Variants in CDH8 observed in about 807,000 individuals in gnomAD.
CDH8 encodes cadherin 8, also known as cadherin-8.
In CDH8, 17 loss-of-function variants were observed where a neutral mutation model predicts 68.1. The observed-to-expected ratio is 0.25, with a 90% CI of 0.17 to 0.37. The LOEUF is 0.37. Among genes scored for constraint, CDH8 ranks in the 10% least tolerant of loss-of-function variants. CDH8 has a pLI of 1.00. For missense variants in CDH8, 763 were observed against 999.3 expected (o/e 0.76, Z 3.19); for synonymous variants, 372 against 365.1 (o/e 1.02, Z -0.21).
At chr16:61,710,529 G>T (rs2142864279) in intron 10 of CDH8, among the ~76,000 whole-genome samples, 1 of 152,060 alleles carries the variant, frequency 6.6e-6, no homozygotes, top group Non-Finnish European at 1.5e-5. Flanking sequence ...AAAACAAATT[G>T]GTATCATCAG....
At chr16:61,710,409 C>G (rs1964610039) in intron 10 of CDH8, among the ~76,000 whole-genome samples, 1 of 151,918 alleles carries the variant, frequency 6.6e-6, no homozygotes, top group African/African-American at 2.4e-5. Context: ...CATGTTTATT[C>G]CAAAGTAATG....
At chr16:61,987,645 T>TGA (rs1965650682) in intron 2 of CDH8, among the ~76,000 whole-genome samples, 1 of 152,144 alleles carries the variant, frequency 6.6e-6, no homozygotes, top group South Asian at 2.1e-4. Context: ...AATACAGGTC[T>TGA]GACTGATTTC....
intron 4 of CDH8, among the ~76,000 whole-genome samples, chr16:61,849,231 T>C (rs1358354169): frequency 6.6e-6 from 1 of 151,988 alleles, no homozygotes; most frequent in East Asian, 1.9e-4. Context: ...AATGTGTGTA[T>C]GTGTGTGTGG....
At chr16:61,684,328 C>T (rs1022631928) in intron 10 of CDH8, among the ~76,000 whole-genome samples, 1 of 151,800 alleles carries the variant, frequency 6.6e-6, no homozygotes, top group Admixed American at 6.6e-5. Flanking sequence ...GTTGCTAAAT[C>T]CTGTGTTATT....
At chr16:61,821,178 A>T (rs760345520) in intron 5 of CDH8, 65 bp from the exon 6 acceptor site, 21 of 1,342,732 alleles carry the variant, frequency 1.6e-5, no homozygotes, top group Non-Finnish European at 2.2e-5. Flanking sequence ...TCATATGGCA[A>T]ATATCTTTTG....
chr16:61,653,240 C>T lies in CDH8; in HGVS notation c.*368G>A. The T allele has an allele frequency of 8.4e-7, 1 of 1,184,234 alleles. No homozygotes were observed. The highest frequency in any genetic ancestry group is 1.0e-6 in the Non-Finnish European group (1 of 960,122). 73.4% of individuals were successfully genotyped at this position (1,184,234 alleles called of 1,614,324 possible). A position where few individuals can be genotyped will look rare whatever the true frequency, so the allele number is the denominator to read the frequency against. On this transcript the variant is annotated 3_prime_UTR_variant, in exon 12 of 12. Coordinates refer to ENST00000577390, the MANE Select transcript of CDH8 (RefSeq NM_001796.5). ...ACACATATCAGCAGCAGATTCCTTG[C>T]AGGTCCGTATTTTTTTTTCTAAGAA...
intron 7 of CDH8, among the ~76,000 whole-genome samples, chr16:61,798,324 C>G (rs58971004): frequency 0.031 from 4,729 of 152,124 alleles, 237 homozygotes; most frequent in African/African-American, 0.11. Context: ...TGTATGTGTG[C>G]ATAATATTAA....
At chr16:61,964,992 T>C (rs1965222479) in intron 2 of CDH8, among the ~76,000 whole-genome samples, 2 of 152,294 alleles carry the variant, frequency 1.3e-5, no homozygotes, top group South Asian at 4.1e-4. Flanking sequence ...CTTATACATC[T>C]AGTTCTTTCC....
intron 1 of CDH8, among the ~76,000 whole-genome samples, chr16:62,035,873 AC>A (rs1902445122): frequency 6.6e-6 from 1 of 152,074 alleles, no homozygotes; most frequent in Non-Finnish European, 1.5e-5. Flanking sequence ...GTCAGGCAAA[AC>A]CTTGAGGCGT....
chr16:61,845,351 T>TA (rs1309502444), intron 4 of CDH8, among the ~76,000 whole-genome samples: 1 of 152,046 alleles, frequency 6.6e-6, no homozygotes, highest in Non-Finnish European at 1.5e-5. Context: ...CCTCAGGAGT[T>TA]AGAGTGCAAA....
At chr16:61,796,925 T>C (rs1961514310) in intron 7 of CDH8, among the ~76,000 whole-genome samples, 1 of 152,036 alleles carries the variant, frequency 6.6e-6, no homozygotes, top group African/African-American at 2.4e-5. Context: ...TAGGTCAAAA[T>C]GGCCAACTGA....
At chr16:61,914,272 A>C (rs1228395942) in intron 2 of CDH8, among the ~76,000 whole-genome samples, 1 of 152,208 alleles carries the variant, frequency 6.6e-6, no homozygotes, top group East Asian at 1.9e-4. Context: ...TTGGTAATGC[A>C]GCCCAAGCAA....
At position 61,809,216 on chromosome 16, in the gene CDH8, A is replaced by C. The variant is rs979414926; in HGVS notation, c.1277+8263T>G. ...AAAAAAAAGACTTTACTAAAAAAAAACAAAAAAAGTAACAGGCCGTATTTG... is the reference window on the plus strand; with the variant it reads ...AAAAAAAAGACTTTACTAAAAAAAACCAAAAAAAGTAACAGGCCGTATTTG... On this transcript the variant is annotated intron_variant, in intron 7 of 11. Coordinates refer to ENST00000577390, the MANE Select transcript of CDH8 (RefSeq NM_001796.5). Among the ~76,000 whole-genome samples, 20 of 152,236 alleles carry C rather than the reference A, an allele frequency of 1.3e-4. No homozygotes were observed. In the East Asian group the frequency reaches 1.4e-3, roughly 10 times the overall value.
rs1429754072 is a variant in CDH8, at chr16:61,650,704, T to TGAGAGAGAGA, written c.*2903_*2904insTCTCTCTCTC. ...GTGTGTGTGTGTGTGTGTGTGTGTG[T>TGAGAGAGAGA]GTGAGAGAGAGAGAGAGAGAGAGAG... On this transcript the variant is annotated 3_prime_UTR_variant, in exon 12 of 12. Transcript: ENST00000577390. The TGAGAGAGAGA allele has an allele frequency of 4.3e-4, 43 of 99,822 alleles. No individual in the cohort carries two copies. The highest frequency in any genetic ancestry group is 1.0e-3 in the African/African-American group (26 of 25,060). 6.2% of individuals were successfully genotyped at this position (99,822 alleles called of 1,614,324 possible).
intron 7 of CDH8, among the ~76,000 whole-genome samples, chr16:61,807,726 C>G: frequency 6.6e-6 from 1 of 152,102 alleles, no homozygotes; most frequent in East Asian, 1.9e-4. Context: ...GAAGACTAAG[C>G]AAACAGAGAT....
chr16:61,960,268 C>CAT lies in CDH8; in HGVS notation c.253-58796_253-58795insAT, dbSNP rs772609052. ...GTGTGTGTATACACATACATATATA[C>CAT]GTGTGTGTGTATACACACATATATA... On this transcript the variant is annotated intron_variant, in intron 2 of 11. Transcript: ENST00000577390. 4.4e-4 allele frequency among the ~76,000 whole-genome samples: 34 copies of CAT among 76,826 alleles called. 4 individuals carry two copies. Among genetic ancestry groups the CAT allele is most frequent in the African/African-American group, 1.0e-3 (11 of 10,662 alleles). 50.4% of individuals were successfully genotyped at this position (76,826 alleles called of 152,430 possible).
intron 4 of CDH8, among the ~76,000 whole-genome samples, chr16:61,844,789 C>T (rs1347787414): frequency 6.6e-6 from 1 of 151,994 alleles, no homozygotes; most frequent in East Asian, 1.9e-4. Context: ...AGGAAAGTTA[C>T]GTATAGTGAG....
intron 10 of CDH8, among the ~76,000 whole-genome samples, chr16:61,683,743 T>C (rs989123296): frequency 6.6e-6 from 1 of 152,078 alleles, no homozygotes; most frequent in Non-Finnish European, 1.5e-5. Context: ...AAGAGTCTTA[T>C]AGATGGAAAT....
intron 7 of CDH8, among the ~76,000 whole-genome samples, chr16:61,801,316 T>C (rs1016664311): frequency 3.9e-5 from 6 of 152,212 alleles, no homozygotes; most frequent in Non-Finnish European, 7.3e-5. Context: ...CTATGAGGTT[T>C]GCATCTCAAA....
Sources: allele counts gnomAD v4.1 joint callset (sites outside exome capture counted in the v4.1 genomes callset), GRCh38; gene constraint gnomAD v4.1.1; transcripts MANE v1.5; gene names NCBI Gene and HGNC (gene_info 2026-07-23, HGNC 2026-07-21).